Variants in PTPRM observed in about 807,000 individuals in gnomAD.
PTPRM encodes the protein receptor-type tyrosine-protein phosphatase mu.
PTPRM carries 47 observed loss-of-function variants against 186.7 expected under a neutral mutation model. The observed-to-expected ratio is 0.25, with a 90% CI of 0.20 to 0.32. PTPRM has a LOEUF of 0.32. PTPRM is among the 10% of genes least tolerant of loss of function. The pLI is 1.00. For synonymous variants in PTPRM, 668 were observed against 674.9 expected (o/e 0.99, Z 0.16); for missense variants, 1,494 against 1,865.0 (o/e 0.80, Z 3.66).
chr18:7,946,322 A>C (rs1221806598), intron 5 of PTPRM, among the ~76,000 whole-genome samples: 1 of 152,254 alleles, frequency 6.6e-6, no homozygotes, highest in East Asian at 1.9e-4. Flanking sequence ...GGATATTATT[A>C]CAGGATTCAT....
rs761192602 is a variant in PTPRM at position 8,240,651 on chromosome 18, GAGAAAGAAAGAAAGAA to G, written c.2301-3393_2301-3378del. Reference sequence around the variant, plus strand: ...AGAGAGAGAGAGAGAGAGAGAGAGAGAGAAAGAAAGAAAGAAAGAAAGAAAGAAAAAGAAAGAGAGA... The same window carrying G: ...AGAGAGAGAGAGAGAGAGAGAGAGAGAGAAAGAAAGAAAAAGAAAGAGAGA... On this transcript the variant is annotated intron_variant, in intron 14 of 32. Coordinates refer to ENST00000580170, the MANE Select transcript of PTPRM (RefSeq NM_001105244.2). Among the ~76,000 whole-genome samples the G allele has an allele frequency of 5.3e-3, 179 of 33,844 alleles. 9 individuals are homozygous for G. The highest frequency in any genetic ancestry group is 0.028 in the Middle Eastern group (1 of 36). 22.2% of individuals were successfully genotyped at this position (33,844 alleles called of 152,430 possible). A position where few individuals can be genotyped will look rare whatever the true frequency, so the allele number is the denominator to read the frequency against.
chr18:7,950,013 T>A (rs898619768), intron 6 of PTPRM, among the ~76,000 whole-genome samples: 1 of 152,146 alleles, frequency 6.6e-6, no homozygotes, highest in African/African-American at 2.4e-5. Context: ...ATTTGGACTT[T>A]GAGGTGTACC....
At chr18:8,344,428 A>ATGTG (rs1252018010) in intron 23 of PTPRM, among the ~76,000 whole-genome samples, 39 of 27,852 alleles carry the variant, frequency 1.4e-3, no homozygotes, top group African/African-American at 3.3e-3. Context: ...GGAGATATAT[A>ATGTG]TATGTGTGTG....
At chr18:7,682,359 T>G (rs538972278) in intron 1 of PTPRM, among the ~76,000 whole-genome samples, 2 of 152,368 alleles carry the variant, frequency 1.3e-5, no homozygotes, top group South Asian at 4.1e-4. Context: ...CTGGCAATTT[T>G]ATTTAGAATC....
chr18:7,944,421 G>A (rs559187788), intron 5 of PTPRM, among the ~76,000 whole-genome samples: 4 of 152,244 alleles, frequency 2.6e-5, no homozygotes, highest in African/African-American at 4.8e-5. Context: ...GACTCACACC[G>A]TATCTCCTCC....
chr18:7,811,228 C>T (rs1236637225), intron 2 of PTPRM, among the ~76,000 whole-genome samples: 2 of 152,196 alleles, frequency 1.3e-5, no homozygotes, highest in East Asian at 3.9e-4. Flanking sequence ...CCATCAGAGA[C>T]ACCCTTTTAC....
At chr18:7,571,719 TCTGAATAAAGC>T (rs2036570666) in intron 1 of PTPRM, among the ~76,000 whole-genome samples, 1 of 152,210 alleles carries the variant, frequency 6.6e-6, no homozygotes, top group African/African-American at 2.4e-5. Flanking sequence ...ACAGCTGAAA[TCTGAATAAAGC>T]CTGTAATTTA....
At chr18:7,857,311 A>G (rs1386463998) in intron 2 of PTPRM, among the ~76,000 whole-genome samples, 1 of 152,162 alleles carries the variant, frequency 6.6e-6, no homozygotes, top group Non-Finnish European at 1.5e-5. Flanking sequence ...ACCTTGAAAT[A>G]GAGTAACAGA....
chr18:8,188,130 G>A (rs886993910), intron 14 of PTPRM, among the ~76,000 whole-genome samples: 7 of 152,174 alleles, frequency 4.6e-5, no homozygotes, highest in African/African-American at 1.7e-4. Flanking sequence ...TATTTATGGA[G>A]AGGCAGAAAG....
At chr18:7,657,292 G>C (rs1220703355) in intron 1 of PTPRM, among the ~76,000 whole-genome samples, 1 of 152,132 alleles carries the variant, frequency 6.6e-6, no homozygotes, top group Non-Finnish European at 1.5e-5. Flanking sequence ...TCCAGGGCAA[G>C]TGTGCTGTTG....
At chr18:7,615,931 A>G (rs906535314) in intron 1 of PTPRM, among the ~76,000 whole-genome samples, 2 of 152,106 alleles carry the variant, frequency 1.3e-5, no homozygotes, top group Admixed American at 1.3e-4. Context: ...CGTGCAACCT[A>G]GATCCCCCGC....
intron 1 of PTPRM, among the ~76,000 whole-genome samples, chr18:7,625,346 T>C (rs867244209): frequency 1.3e-5 from 2 of 152,234 alleles, no homozygotes; most frequent in Non-Finnish European, 2.9e-5. Flanking sequence ...TGGATACAAA[T>C]AGATGTTTTT....
intron 13 of PTPRM, among the ~76,000 whole-genome samples, chr18:8,126,023 A>ATTTTTTTTTTT (rs1345519818): frequency 2.0e-4 from 9 of 46,002 alleles, no homozygotes; most frequent in South Asian, 7.2e-4. Context: ...ATATATATAT[A>ATTTTTTTTTTT]TATATTTTAA....
In PTPRM at chr18:8,384,698, G is replaced by T. The variant is rs369353040; in HGVS notation, c.4044+12G>T. 1.9e-6 allele frequency: 3 copies of T among 1,613,514 alleles called. No homozygotes were observed. The highest frequency in any genetic ancestry group is 2.2e-5 in the South Asian group (2 of 91,048). On this transcript the variant is annotated intron_variant, in intron 30 of 32. Transcript: ENST00000580170. ...ACAATGCCGCCAGAGTAAGAGACGG[G>T]CCTGTCATGCCTGTGATTATGGTTT...
intron 9 of PTPRM, among the ~76,000 whole-genome samples, chr18:8,078,769 T>C (rs1407795202): frequency 6.6e-6 from 1 of 152,122 alleles, no homozygotes; most frequent in Admixed American, 6.5e-5. Context: ...ACCTTATGAA[T>C]GTGGCAGAGG....
intron 8 of PTPRM, 94 bp from the exon 9 acceptor site, chr18:8,076,361 T>G: frequency 1.4e-6 from 1 of 734,122 alleles, no homozygotes; most frequent in Non-Finnish European, 2.3e-6. Flanking sequence ...TATTAAAATC[T>G]TTTCTCTCAA....
At chr18:8,301,261 C>T (rs1260339735) in intron 20 of PTPRM, among the ~76,000 whole-genome samples, 1 of 152,150 alleles carries the variant, frequency 6.6e-6, no homozygotes, top group Non-Finnish European at 1.5e-5. Context: ...GGCTTTTGCT[C>T]TTAAGTAAGT....
intron 1 of PTPRM, chr18:7,751,142 T>C (rs528546514): frequency 6.6e-6 from 1 of 152,114 alleles, no homozygotes; most frequent in Admixed American, 6.6e-5. Flanking sequence ...AAGGTCAATG[T>C]CACTTTGTTC....
In PTPRM at chr18:7,769,110, T is replaced by C. The variant is rs75989025; in HGVS notation, c.74-5039T>C. Among the ~76,000 whole-genome samples the C allele has an allele frequency of 7.5e-3, 1,144 of 152,240 alleles. 17 individuals carry two copies. The highest frequency in any genetic ancestry group is 0.025 in the African/African-American group (1,050 of 41,548). On this transcript the variant is annotated intron_variant, in intron 1 of 32. Transcript: ENST00000580170. ...TTCTGAGGGATGCTGTTGAGAACTC[T>C]GTTCATTAACTTCCAACAATTGCTT...
Sources: gnomAD v4.1 joint callset for allele counts (sites outside exome capture counted in the v4.1 genomes callset) on GRCh38, gnomAD v4.1.1 for gene constraint, MANE v1.5 for transcripts, NCBI Gene and HGNC (gene_info 2026-07-23, HGNC 2026-07-21) for gene names.